The following BRMS1L variants were observed in gnomAD, a reference collection of about 807,000 sequenced individuals.
BRMS1L encodes breast cancer metastasis-suppressor 1-like protein.
Under a neutral mutation model 50.3 loss-of-function variants are expected in BRMS1L, and 23 were observed. That is an observed-to-expected ratio of 0.46 (90% CI 0.33 to 0.65). The LOEUF is 0.65. BRMS1L is among the 30% of genes least tolerant of loss of function. The pLI is 0.02. For missense variants in BRMS1L, 286 were observed against 386.1 expected, an observed-to-expected ratio of 0.74 and a Z score of 2.17; for synonymous variants, 114 against 126.9, an observed-to-expected ratio of 0.90 and a Z score of 0.69.
Position 35,826,485 on chromosome 14 carries a change from C to T in BRMS1L, c.-32C>T. 6.4e-7 allele frequency: 1 copy of T among 1,559,298 alleles called. No homozygotes were observed. Among genetic ancestry groups the T allele is most frequent in the Non-Finnish European group, 8.7e-7 (1 of 1,151,714 alleles). ...GAAGCGGCGGTGGCCGGGCTGGGCG[C>T]CGGTAGTGGAAAGCGACGGCGCGGC... is the stretch of plus-strand genomic sequence containing the variant. On this transcript the variant is annotated 5_prime_UTR_variant, in exon 1 of 10. Coordinates refer to ENST00000216807, the MANE Select transcript of BRMS1L (RefSeq NM_032352.4).
At chr14:35,829,134 G>A (rs1436372978) in intron 1 of BRMS1L, among the ~76,000 whole-genome samples, 2 of 151,852 alleles carry the variant, frequency 1.3e-5, no homozygotes, top group Non-Finnish European at 2.9e-5. Flanking sequence ...TAGAGATGGG[G>A]TTTTGCCACG....
chr14:35,837,663 G>T (rs1391767685), intron 4 of BRMS1L, among the ~76,000 whole-genome samples: 1 of 151,980 alleles, frequency 6.6e-6, no homozygotes, highest in Non-Finnish European at 1.5e-5. Context: ...CGATTCTCCT[G>T]CCTCAGCCTC....
At chr14:35,840,762 C>A (rs1342936027) in intron 4 of BRMS1L, among the ~76,000 whole-genome samples, 1 of 152,068 alleles carries the variant, frequency 6.6e-6, no homozygotes, top group East Asian at 1.9e-4. Context: ...CTCTTTTCTT[C>A]TTTATTAGTC....
intron 1 of BRMS1L, among the ~76,000 whole-genome samples, chr14:35,830,278 A>T (rs920445005): frequency 1.3e-5 from 2 of 152,144 alleles, no homozygotes; most frequent in African/African-American, 2.4e-5. Flanking sequence ...CATGTTGGTC[A>T]GGCTGGTCTC....
intron 4 of BRMS1L, among the ~76,000 whole-genome samples, chr14:35,837,196 A>G (rs2078006406): frequency 6.6e-6 from 1 of 152,056 alleles, no homozygotes; most frequent in Non-Finnish European, 1.5e-5. Flanking sequence ...CGGGGGTTGC[A>G]GTGAGCTGAG....
chr14:35,870,084 G>T (rs933088428), intron 9 of BRMS1L, among the ~76,000 whole-genome samples: 3 of 150,766 alleles, frequency 2.0e-5, no homozygotes, highest in Admixed American at 1.3e-4. Flanking sequence ...AAAGAGGTGG[G>T]GTGGGGATGG....
chr14:35,844,303 G>A (rs2078104481), intron 4 of BRMS1L, among the ~76,000 whole-genome samples: 1 of 152,162 alleles, frequency 6.6e-6, no homozygotes, highest in Non-Finnish European at 1.5e-5. Flanking sequence ...TTGAAACCCA[G>A]GGCCCTGGTG....
At chr14:35,855,767 A>C (rs1566425772) in intron 4 of BRMS1L, among the ~76,000 whole-genome samples, 1 of 152,182 alleles carries the variant, frequency 6.6e-6, no homozygotes, top group Non-Finnish European at 1.5e-5. Context: ...GAAATGAAGC[A>C]GGGTGAAAGC....
At chr14:35,828,054 T>C (rs983183779) in intron 1 of BRMS1L, among the ~76,000 whole-genome samples, 13 of 152,060 alleles carry the variant, frequency 8.5e-5, no homozygotes, top group African/African-American at 2.9e-4. Context: ...AAGTTTAGGA[T>C]TGAAGGTAAG....
rs1478593550 is a variant in BRMS1L at position 35,831,396 on chromosome 14, C to T, written c.143-14C>T. On this transcript the variant is annotated splice_polypyrimidine_tract_variant and intron_variant, in intron 1 of 9. Coordinates refer to ENST00000216807, the MANE Select transcript of BRMS1L (RefSeq NM_032352.4). The stretch of plus-strand genomic sequence containing the variant: ...AATTAAGTTTATCTTTTATATTTGC[C>T]TTTTTATTAACAGAAATGGATGATG... 6 of 1,586,826 alleles carry T rather than the reference C, an allele frequency of 3.8e-6. No homozygotes were observed. The African/African-American group carries it at 6.7e-5, about 18-fold the overall frequency.
chr14:35,843,608 G>A (rs1038824994), intron 4 of BRMS1L, among the ~76,000 whole-genome samples: 1 of 152,196 alleles, frequency 6.6e-6, no homozygotes, highest in Non-Finnish European at 1.5e-5. Context: ...TCCTGTATGA[G>A]GTGTCTGTCC....
chr14:35,861,963 A>G (rs1382323883), intron 4 of BRMS1L, among the ~76,000 whole-genome samples: 1 of 152,210 alleles, frequency 6.6e-6, no homozygotes, highest in Non-Finnish European at 1.5e-5. Flanking sequence ...AACATGGACT[A>G]GAGCTAGTAG....
intron 1 of BRMS1L, among the ~76,000 whole-genome samples, chr14:35,828,752 G>A (rs548222416): frequency 6.6e-6 from 1 of 152,164 alleles, no homozygotes; most frequent in Admixed American, 6.5e-5. Flanking sequence ...CACCGTGCCT[G>A]GCCGACGTGT....
Position 35,865,723 on chromosome 14 carries a change from C to T in BRMS1L, c.689C>T (p.Ala230Val). The T allele has an allele frequency of 6.4e-7, 1 of 1,567,418 alleles. No individual in the cohort carries two copies. The highest frequency in any genetic ancestry group is 1.2e-5 in the South Asian group (1 of 84,246). The change falls in exon 8 of 10, where the codon GCA becomes GTA. Residue 230 changes from alanine to valine, a missense_variant and splice_region_variant. Physicochemically the swap from Ala to Val is moderately conservative, Grantham distance 64. This residue lies in a region of BRMS1L where 160 missense variants were observed against 240.6 expected (regional missense o/e 0.66). Coordinates refer to ENST00000216807, the MANE Select transcript of BRMS1L (RefSeq NM_032352.4). ...ILEDWTTIRK[A>V]MATLGPHRVK... Reference sequence around the variant, plus strand: ...TCTTTTTTTTTTTTTTTAATTAAGGCAATGGCTACATTGGGGCCACACAGA... The same window carrying T: ...TCTTTTTTTTTTTTTTTAATTAAGGTAATGGCTACATTGGGGCCACACAGA...
chr14:35,869,779 G>A (rs2142067467), intron 9 of BRMS1L, among the ~76,000 whole-genome samples: 1 of 152,150 alleles, frequency 6.6e-6, no homozygotes, highest in East Asian at 1.9e-4. Flanking sequence ...CGGGGAGGTG[G>A]AGATTGCAGT....
chr14:35,826,505 C>T lies in BRMS1L; in HGVS notation c.-12C>T. 2 of 1,573,314 alleles carry T rather than the reference C, an allele frequency of 1.3e-6. No homozygotes were observed. Among genetic ancestry groups the T allele is most frequent in the Non-Finnish European group, 1.7e-6 (2 of 1,159,552 alleles). On this transcript the variant is annotated 5_prime_UTR_variant, in exon 1 of 10. Transcript: ENST00000216807. ...GGGCGCCGGTAGTGGAAAGCGACGG[C>T]GCGGCTGGAAAATGCCAGTCCATTC...
At chr14:35,862,942 A>G (rs1390343428) in intron 5 of BRMS1L, among the ~76,000 whole-genome samples, 2 of 152,196 alleles carry the variant, frequency 1.3e-5, no homozygotes, top group Non-Finnish European at 2.9e-5. Flanking sequence ...TACTGGCAGA[A>G]TAGTGTCAGG....
chr14:35,842,745 G>T (rs1322263290), intron 4 of BRMS1L, among the ~76,000 whole-genome samples: 3 of 152,128 alleles, frequency 2.0e-5, no homozygotes, highest in African/African-American at 7.2e-5. Flanking sequence ...TTGGGGAAGT[G>T]CTCCTGGATA....
rs537004770 is a variant in BRMS1L, at chr14:35,871,818, G to C, written c.*1341G>C. On this transcript the variant is annotated 3_prime_UTR_variant, in exon 10 of 10. Transcript: ENST00000216807. ...CAGCAAAGTGATATTACGTTGTTCTGTTTCTAATTAACCTTAGCAAATGTA... is the reference window on the plus strand; with the variant it reads ...CAGCAAAGTGATATTACGTTGTTCTCTTTCTAATTAACCTTAGCAAATGTA... 2 of 152,668 alleles carry C rather than the reference G, an allele frequency of 1.3e-5. No homozygotes were observed. Among genetic ancestry groups the C allele is most frequent in the South Asian group, 4.2e-4 (2 of 4,816 alleles). The allele number at this position is 152,668 out of a possible 1,614,324, so 9.5% of individuals were successfully genotyped here.
Sources: gnomAD v4.1 joint callset for allele counts (sites outside exome capture counted in the v4.1 genomes callset) on GRCh38, gnomAD v4.1.1 for gene constraint, gnomAD v4.1.1 regional missense constraint, MANE v1.5 for transcripts, NCBI Gene and HGNC (gene_info 2026-07-23, HGNC 2026-07-21) for gene names.